The following PEX14 variants were observed in gnomAD, a reference collection of about 807,000 sequenced individuals.
PEX14 encodes peroxisomal membrane protein PEX14.
In PEX14, 15 loss-of-function variants were observed where a neutral mutation model predicts 49.5. That is an observed-to-expected ratio of 0.30 (90% CI 0.20 to 0.47). The LOEUF is 0.47. Ranked by LOEUF, PEX14 falls within the 20% of genes least tolerant of loss-of-function variation. PEX14 has a pLI of 1.00. For missense variants in PEX14, 398 were observed against 494.8 expected (o/e 0.80, Z 1.86); for synonymous variants, 210 against 212.7 (o/e 0.99, Z 0.11).
intron 8 of PEX14, among the ~76,000 whole-genome samples, chr1:10,627,739 G>A (rs1031294720): frequency 1.3e-5 from 2 of 152,166 alleles, no homozygotes; most frequent in Admixed American, 1.3e-4. Context: ...AAGCCCCTGC[G>A]GGAGAGTCTT....
At chr1:10,579,824 C>G (rs770862325) in intron 3 of PEX14, among the ~76,000 whole-genome samples, 2 of 152,070 alleles carry the variant, frequency 1.3e-5, no homozygotes, top group Admixed American at 6.5e-5. Flanking sequence ...TTACTGCAAC[C>G]TGTCTTATCA....
intron 7 of PEX14, 121 bp downstream of exon 7, chr1:10,624,558 G>A: frequency 1.4e-6 from 1 of 737,058 alleles, no homozygotes; most frequent in South Asian, 1.4e-5. Context: ...GTCTCACAGT[G>A]GTTACACAGC....
intron 2 of PEX14, chr1:10,524,450 G>T: frequency 1.0e-6 from 1 of 962,274 alleles, no homozygotes; most frequent in South Asian, 4.8e-5. Flanking sequence ...TGATTTAAAG[G>T]AGGAAGATGC....
At position 10,493,255 on chromosome 1, in the gene PEX14, G is replaced by A. The variant is rs182372698; in HGVS notation, c.37-2019G>A. ...GGGTGAGTGGGTGGACAAGGGATGG[G>A]ACGAGCAGATTCTCCTTTGGAAATG... On this transcript the variant is annotated intron_variant, in intron 1 of 8. Transcript: ENST00000356607. Among the ~76,000 whole-genome samples, 485 of 152,240 alleles carry A rather than the reference G, an allele frequency of 3.2e-3. 3 individuals carry two copies. The highest frequency in any genetic ancestry group is 6.3e-3 in the Admixed American group (96 of 15,282).
chr1:10,508,677 T>C (rs1411891201), intron 2 of PEX14, among the ~76,000 whole-genome samples: 1 of 152,200 alleles, frequency 6.6e-6, no homozygotes, highest in African/African-American at 2.4e-5. Context: ...GAAAGGCTGG[T>C]TGCAGGCAGA....
intron 4 of PEX14, among the ~76,000 whole-genome samples, chr1:10,606,291 C>T (rs1177815834): frequency 2.0e-5 from 3 of 152,372 alleles, no homozygotes; most frequent in East Asian, 1.9e-4. Flanking sequence ...CCAACTATCC[C>T]ACCTGCTGTC....
rs1638578567 is a variant in PEX14 at position 10,529,337 on chromosome 1, C to T, written c.85-6876C>T. On this transcript the variant is annotated intron_variant, in intron 2 of 8. Transcript: ENST00000356607. This position sits in a 1 kb window ranked among gnomAD's most constrained non-coding sequence, Gnocchi z 4.2. ...CTTTTCAAGCTGTGCTCCTCCACTG[C>T]ACCAGCGCCCTTTGGGCTGGAAGTT... Among the ~76,000 whole-genome samples the T allele has an allele frequency of 6.6e-6, 1 of 152,270 alleles. No homozygotes were observed. The highest frequency in any genetic ancestry group is 1.5e-5 in the Non-Finnish European group (1 of 68,044).
At chr1:10,624,302 G>T in intron 6 of PEX14, 38 bp from the exon 7 acceptor site, 1 of 1,347,270 alleles carries the variant, frequency 7.4e-7, no homozygotes, top group East Asian at 2.3e-5. Context: ...GTCTGTGCCT[G>T]TGAATTTGCC....
intron 4 of PEX14, among the ~76,000 whole-genome samples, chr1:10,600,236 A>C (rs187809141): frequency 4.0e-4 from 60 of 149,376 alleles, no homozygotes; most frequent in Admixed American, 3.6e-3. Flanking sequence ...CCCGGCCAAC[A>C]TGATGAAACC....
chr1:10,583,224 CTTT>C (rs59269485), intron 3 of PEX14, among the ~76,000 whole-genome samples: 1 of 143,108 alleles, frequency 7.0e-6, no homozygotes. Context: ...TCTTTCTACA[CTTT>C]TTTTTTTTTT....
At chr1:10,592,998 C>T (rs1032654416) in intron 3 of PEX14, among the ~76,000 whole-genome samples, 2 of 152,224 alleles carry the variant, frequency 1.3e-5, no homozygotes, top group African/African-American at 4.8e-5. Context: ...CCTGCCTTCT[C>T]TTTAGGCTTC....
At chr1:10,510,362 G>A (rs145078501) in intron 2 of PEX14, among the ~76,000 whole-genome samples, 170 of 152,350 alleles carry the variant, frequency 1.1e-3, no homozygotes, top group Non-Finnish European at 1.9e-3. Flanking sequence ...TGTTGAAACA[G>A]CAGGTTTCTG....
intron 5 of PEX14, among the ~76,000 whole-genome samples, chr1:10,620,761 T>C (rs151064615): frequency 0.016 from 2,499 of 152,346 alleles, 59 homozygotes; most frequent in Admixed American, 0.022. Flanking sequence ...ATTGTGCCAC[T>C]GCACTCCAGC....
Position 10,523,268 on chromosome 1 carries a change from G to A in PEX14, c.85-12945G>A, listed in dbSNP as rs375127660. On this transcript the variant is annotated intron_variant, in intron 2 of 8. Transcript: ENST00000356607. ...GTATATAAAATAAATAGTAAGTAGC[G>A]TGAGTAAAGCTTCGCAGCGTATAAA... 7.9e-4 allele frequency among the ~76,000 whole-genome samples: 121 copies of A among 152,256 alleles called. 1 individual carries two copies. Among genetic ancestry groups the A allele is most frequent in the African/African-American group, 2.5e-3 (104 of 41,526 alleles).
At chr1:10,602,274 C>T (rs1455329075) in intron 4 of PEX14, among the ~76,000 whole-genome samples, 1 of 152,086 alleles carries the variant, frequency 6.6e-6, no homozygotes, top group Non-Finnish European at 1.5e-5. Flanking sequence ...AGTGTAAAAA[C>T]AATGGTAATG....
intron 3 of PEX14, among the ~76,000 whole-genome samples, chr1:10,566,797 G>A (rs1049405900): frequency 5.3e-5 from 8 of 152,156 alleles, no homozygotes; most frequent in African/African-American, 1.2e-4. Flanking sequence ...GATTACAGAC[G>A]TGAGCCACCG....
chr1:10,527,434 T>C (rs1386996452), intron 2 of PEX14, among the ~76,000 whole-genome samples: 3 of 150,830 alleles, frequency 2.0e-5, no homozygotes, highest in Non-Finnish European at 4.4e-5. Flanking sequence ...CAAGAATTGC[T>C]TGAACCCGGG....
chr1:10,485,817 G>A (rs1485075722), intron 1 of PEX14, among the ~76,000 whole-genome samples: 5 of 149,454 alleles, frequency 3.3e-5, no homozygotes, highest in Non-Finnish European at 4.4e-5. Context: ...GTGCAGTGGC[G>A]TGATCTTGGC....
At chr1:10,507,969 C>T (rs1280678634) in intron 2 of PEX14, among the ~76,000 whole-genome samples, 1 of 152,154 alleles carries the variant, frequency 6.6e-6, no homozygotes, top group Non-Finnish European at 1.5e-5. Flanking sequence ...CATTGATAAC[C>T]CACTCAAATA....
Sources: allele counts gnomAD v4.1 joint callset (sites outside exome capture counted in the v4.1 genomes callset), GRCh38; gene constraint gnomAD v4.1.1; non-coding constraint Gnocchi (gnomAD v3.1); transcripts MANE v1.5; gene names NCBI Gene and HGNC (gene_info 2026-07-23, HGNC 2026-07-21).